ACO2: variants seen among roughly 807,000 people sequenced by gnomAD.
The protein encoded by ACO2 is aconitate hydratase, mitochondrial.
A neutral mutation model predicts 84.5 loss-of-function variants in ACO2; 31 were observed. The ratio of observed to expected loss-of-function variants is 0.37; its 90% CI spans 0.28 to 0.50. The LOEUF (loss-of-function observed/expected upper bound fraction) is 0.50. Among genes scored for constraint, ACO2 ranks in the 20% least tolerant of loss-of-function variants. The pLI is 0.97. For missense variants in ACO2, 685 were observed against 1,029.3 expected (o/e 0.67, Z 4.58); for synonymous variants, 414 against 412.7 (o/e 1.00, Z -0.04).
At chr22:41,498,920 C>T (rs2066334192) in intron 1 of ACO2, among the ~76,000 whole-genome samples, 2 of 151,992 alleles carry the variant, frequency 1.3e-5, no homozygotes, top group African/African-American at 2.4e-5. Context: ...GTGGTGAAAC[C>T]CCGTCTCTAC....
intron 1 of ACO2, among the ~76,000 whole-genome samples, chr22:41,485,531 C>G (rs1489151780): frequency 6.8e-6 from 1 of 147,870 alleles, no homozygotes; most frequent in Non-Finnish European, 1.5e-5. Flanking sequence ...GGCTCCACCT[C>G]TCAGGTTCAC....
At chr22:41,488,831 C>T (rs935976157) in intron 1 of ACO2, among the ~76,000 whole-genome samples, 2 of 152,158 alleles carry the variant, frequency 1.3e-5, no homozygotes, top group Non-Finnish European at 2.9e-5. Context: ...TATTTATAGA[C>T]TGTGAGCTGG....
At chr22:41,522,765 T>A in intron 9 of ACO2, 65 bp from the exon 10 acceptor site, 1 of 1,558,496 alleles carries the variant, frequency 6.4e-7, no homozygotes, top group Admixed American at 1.8e-5. Context: ...TAATTTGAAG[T>A]CAGGTGGAGA....
chr22:41,471,796 C>T (rs760926193), intron 1 of ACO2, among the ~76,000 whole-genome samples: 6 of 152,112 alleles, frequency 3.9e-5, no homozygotes, highest in Non-Finnish European at 5.9e-5. Flanking sequence ...GCCTATTAGC[C>T]TGATTTATAG....
chr22:41,518,614 A>G (rs1365529733), intron 8 of ACO2, 42 bp downstream of exon 8: 3 of 1,472,528 alleles, frequency 2.0e-6, no homozygotes, highest in Non-Finnish European at 9.5e-7. Flanking sequence ...TTCTGAGAGT[A>G]GTGGGGAGCA....
At chr22:41,478,037 C>G (rs2038041137) in intron 1 of ACO2, among the ~76,000 whole-genome samples, 1 of 152,038 alleles carries the variant, frequency 6.6e-6, no homozygotes, top group African/African-American at 2.4e-5. Flanking sequence ...TGCACTCCAG[C>G]CTGGGCAACA....
intron 7 of ACO2, 86 bp downstream of exon 7, chr22:41,517,717 G>T: frequency 8.0e-7 from 1 of 1,253,488 alleles, no homozygotes; most frequent in Non-Finnish European, 1.2e-6. Flanking sequence ...TCCCTGTAGG[G>T]CAGGGGTTCT....
intron 1 of ACO2, among the ~76,000 whole-genome samples, chr22:41,496,599 C>A (rs547129943): frequency 6.0e-4 from 92 of 152,296 alleles, no homozygotes; most frequent in African/African-American, 2.1e-3. Context: ...CTCCTCCACC[C>A]GTCACAGGGA....
intron 1 of ACO2, among the ~76,000 whole-genome samples, chr22:41,491,987 G>A (rs1182776558): frequency 6.6e-6 from 1 of 152,176 alleles, no homozygotes; most frequent in East Asian, 1.9e-4. Context: ...GGATCTAGAA[G>A]AAGTGATCCA....
chr22:41,525,379 C>G, intron 14 of ACO2, 31 bp downstream of exon 14: 3 of 1,609,678 alleles, frequency 1.9e-6, no homozygotes, highest in Non-Finnish European at 2.5e-6. Context: ...AGGACAGCCC[C>G]ACCCTGCCAG....
chr22:41,493,340 A>C (rs6519256), intron 1 of ACO2, among the ~76,000 whole-genome samples: 9,068 of 152,062 alleles, frequency 0.06, 874 homozygotes, highest in African/African-American at 0.2. Flanking sequence ...TTTCTTGCCC[A>C]TGTGTAGAGA....
At chr22:41,526,938 G>T (rs942288183) in intron 15 of ACO2, 15 of 380,282 alleles carry the variant, frequency 3.9e-5, no homozygotes, top group Non-Finnish European at 4.3e-5. Context: ...CCAGGAAGGG[G>T]GCGCCTTGAG....
At chr22:41,491,532 G>A (rs575980540) in intron 1 of ACO2, among the ~76,000 whole-genome samples, 1 of 152,204 alleles carries the variant, frequency 6.6e-6, no homozygotes, top group Non-Finnish European at 1.5e-5. Flanking sequence ...GACCTGATGA[G>A]CTAAGGCTTC....
At chr22:41,521,853 C>G (rs904673201) in intron 9 of ACO2, among the ~76,000 whole-genome samples, 10 of 151,772 alleles carry the variant, frequency 6.6e-5, no homozygotes, top group Non-Finnish European at 1.3e-4. Flanking sequence ...CGGCTCACTG[C>G]AGCCTCCGCC....
At chr22:41,528,132 A>G in intron 17 of ACO2, 110 bp downstream of exon 17, 1 of 1,503,376 alleles carries the variant, frequency 6.7e-7, no homozygotes, top group Non-Finnish European at 9.0e-7. Flanking sequence ...TTCCAGCTGG[A>G]AAGGCCCCCA....
At position 41,515,555 on chromosome 22, in the gene ACO2, C is replaced by T. The variant is rs1182271540; in HGVS notation, c.684+20C>T. The T allele has an allele frequency of 1.9e-6, 3 of 1,597,038 alleles. No homozygotes were observed. Among genetic ancestry groups the T allele is most frequent in the East Asian group, 4.5e-5 (2 of 44,722 alleles). ...CCCAAGGTGAGGGTGGGGAGGGACT[C>T]ATTCTGGGCTGGCTGTGGGGTGGTG... On this transcript the variant is annotated intron_variant, in intron 5 of 17. Coordinates refer to ENST00000216254, the MANE Select transcript of ACO2 (RefSeq NM_001098.3). This position sits in a 1 kb window ranked among gnomAD's most constrained non-coding sequence, Gnocchi z 5.8.
intron 1 of ACO2, among the ~76,000 whole-genome samples, chr22:41,494,401 T>C (rs1271799456): frequency 1.3e-5 from 2 of 151,660 alleles, no homozygotes; most frequent in Non-Finnish European, 2.9e-5. Context: ...CCATAAGTTG[T>C]ATTCTGTATC....
At chr22:41,482,359 G>T (rs1001813749) in intron 1 of ACO2, among the ~76,000 whole-genome samples, 2 of 152,230 alleles carry the variant, frequency 1.3e-5, no homozygotes, top group Non-Finnish European at 2.9e-5. Flanking sequence ...CAAGTTCCCA[G>T]CTGTTTGACC....
chr22:41,486,325 G>A (rs555676870), intron 1 of ACO2, among the ~76,000 whole-genome samples: 49 of 151,746 alleles, frequency 3.2e-4, no homozygotes, highest in African/African-American at 1.0e-3. Context: ...ACGGAGTCTC[G>A]CTCTGTCACC....
Sources: allele counts gnomAD v4.1 joint callset (sites outside exome capture counted in the v4.1 genomes callset), GRCh38; gene constraint gnomAD v4.1.1; non-coding constraint Gnocchi (gnomAD v3.1); transcripts MANE v1.5; gene names NCBI Gene and HGNC (gene_info 2026-07-23, HGNC 2026-07-21).